Variants in PDE4D observed in about 807,000 individuals in gnomAD.
PDE4D encodes phosphodiesterase 4D.
A neutral mutation model predicts 87.4 loss-of-function variants in PDE4D; 24 were observed. The observed-to-expected ratio is 0.27, with a 90% CI of 0.20 to 0.39. The LOEUF is 0.39. PDE4D is among the 10% of genes least tolerant of loss of function. PDE4D has a pLI of 1.00. For missense variants in PDE4D, 714 were observed against 1,041.0 expected, an observed-to-expected ratio of 0.69 and a Z score of 4.32; for synonymous variants, 384 against 383.2, an observed-to-expected ratio of 1.00 and a Z score of -0.02.
chr5:59,312,571 G>C (rs1049236672), intron 1 of PDE4D, among the ~76,000 whole-genome samples: 2 of 152,154 alleles, frequency 1.3e-5, no homozygotes, highest in Non-Finnish European at 2.9e-5. Context: ...TAGCCTTTCT[G>C]AAAAGTCTAC....
Position 60,329,021 on chromosome 5 carries a change from T to C in PDE4D, c.-89-143334A>G, listed in dbSNP as rs181030940. 8.7e-4 allele frequency among the ~76,000 whole-genome samples: 133 copies of C among 152,360 alleles called. 1 individual carries two copies. The East Asian group carries it at 0.019, about 21-fold the overall frequency. ...CTTCCCACATAATTTAGTTACTTTT[T>C]CACAGTCGTCTCTCTTTGTTCAACC... On this transcript the variant is annotated intron_variant, in intron 1 of 16. Transcript: ENST00000502484.
chr5:58,990,442 G>T (rs1032368904), intron 9 of PDE4D, among the ~76,000 whole-genome samples: 2 of 152,124 alleles, frequency 1.3e-5, no homozygotes, highest in African/African-American at 2.4e-5. Flanking sequence ...ATATTCTAAG[G>T]TTAGTAGCCA....
At chr5:59,438,120 T>C (rs1034813133) in intron 1 of PDE4D, among the ~76,000 whole-genome samples, 1 of 152,150 alleles carries the variant, frequency 6.6e-6, no homozygotes, top group African/African-American at 2.4e-5. Flanking sequence ...ATGGGGATTG[T>C]TGGCTGAACT....
intron 5 of PDE4D, among the ~76,000 whole-genome samples, chr5:59,131,613 C>CAG (rs1259040799): frequency 2.5e-5 from 2 of 78,492 alleles, no homozygotes; most frequent in Non-Finnish European, 6.3e-5. Context: ...CACACACACA[C>CAG]ACACACACAC....
At chr5:60,316,770 G>T (rs1051716932) in intron 1 of PDE4D, among the ~76,000 whole-genome samples, 1 of 152,162 alleles carries the variant, frequency 6.6e-6, no homozygotes, top group Non-Finnish European at 1.5e-5. Context: ...CATTGGTTCT[G>T]TTTATATGCT....
intron 3 of PDE4D, among the ~76,000 whole-genome samples, chr5:59,983,007 T>G (rs1437786967): frequency 6.6e-6 from 1 of 152,214 alleles, no homozygotes; most frequent in Non-Finnish European, 1.5e-5. Flanking sequence ...GGTGCTCGCA[T>G]TATTCCTACT....
intron 2 of PDE4D, among the ~76,000 whole-genome samples, chr5:60,118,524 C>G (rs1778370918): frequency 6.7e-6 from 1 of 150,332 alleles, no homozygotes; most frequent in East Asian, 2.0e-4. Flanking sequence ...TTGACCTCTG[C>G]ATGGAAACCT....
intron 6 of PDE4D, among the ~76,000 whole-genome samples, chr5:59,032,889 G>GT (rs1158535612): frequency 1.3e-5 from 2 of 152,152 alleles, no homozygotes; most frequent in African/African-American, 4.8e-5. Flanking sequence ...CTCCAGAGCG[G>GT]TAAGGCCTAT....
chr5:59,916,306 T>C (rs1754036257), intron 3 of PDE4D, among the ~76,000 whole-genome samples: 1 of 152,124 alleles, frequency 6.6e-6, no homozygotes, highest in Admixed American at 6.5e-5. Context: ...AAAACAAAGG[T>C]GTGTGTATAT....
chr5:59,777,087 G>A (rs1418144205), intron 1 of PDE4D, among the ~76,000 whole-genome samples: 3 of 152,142 alleles, frequency 2.0e-5, no homozygotes, highest in African/African-American at 7.2e-5. Context: ...CTTGAACATA[G>A]CTGATAGATA....
At chr5:59,857,636 T>C (rs1184956941) in intron 1 of PDE4D, among the ~76,000 whole-genome samples, 1 of 151,984 alleles carries the variant, frequency 6.6e-6, no homozygotes. Flanking sequence ...CTAGTAACAT[T>C]TTGGAAGATG....
chr5:59,811,568 T>G (rs1768350966), intron 1 of PDE4D, among the ~76,000 whole-genome samples: 1 of 152,200 alleles, frequency 6.6e-6, no homozygotes, highest in South Asian at 2.1e-4. Flanking sequence ...ACTCTCAGCC[T>G]CTCTCCATGA....
At chr5:59,795,197 A>C (rs1323552611) in intron 1 of PDE4D, among the ~76,000 whole-genome samples, 2 of 152,248 alleles carry the variant, frequency 1.3e-5, no homozygotes, top group Admixed American at 6.5e-5. Context: ...TTGATTGAGC[A>C]TTCACCATTT....
chr5:60,207,232 G>C (rs570332039), intron 1 of PDE4D, among the ~76,000 whole-genome samples: 25 of 152,322 alleles, frequency 1.6e-4, no homozygotes, highest in African/African-American at 5.3e-4. Context: ...GAAACTTCTT[G>C]ACTAGAGCAG....
At chr5:59,959,049 A>T (rs1759175323) in intron 3 of PDE4D, among the ~76,000 whole-genome samples, 1 of 152,018 alleles carries the variant, frequency 6.6e-6, no homozygotes, top group Non-Finnish European at 1.5e-5. Flanking sequence ...TACCAGTGAC[A>T]TTCAAACTGA....
chr5:60,404,836 G>C (rs929591623), intron 1 of PDE4D, among the ~76,000 whole-genome samples: 3 of 152,206 alleles, frequency 2.0e-5, no homozygotes, highest in Admixed American at 6.5e-5. Context: ...CAGTTTGCCT[G>C]TAATATTCTT....
intron 3 of PDE4D, among the ~76,000 whole-genome samples, chr5:59,907,529 C>T (rs1752975305): frequency 6.6e-6 from 1 of 152,088 alleles, no homozygotes; most frequent in Non-Finnish European, 1.5e-5. Context: ...CCTGTTACAA[C>T]AAACCTCCAT....
chr5:59,661,248 C>T (rs1391014287), intron 1 of PDE4D, among the ~76,000 whole-genome samples: 2 of 152,010 alleles, frequency 1.3e-5, no homozygotes, highest in African/African-American at 4.8e-5. Context: ...ATTCTGCTCA[C>T]TTTAAATAGC....
intron 3 of PDE4D, among the ~76,000 whole-genome samples, chr5:59,927,397 G>A (rs944112656): frequency 1.3e-5 from 2 of 152,110 alleles, no homozygotes; most frequent in Admixed American, 1.3e-4. Flanking sequence ...TCTTGTACTA[G>A]AATAAAAACT....
Sources: gnomAD v4.1 joint callset for allele counts (sites outside exome capture counted in the v4.1 genomes callset) on GRCh38, gnomAD v4.1.1 for gene constraint, MANE v1.5 for transcripts, NCBI Gene and HGNC (gene_info 2026-07-23, HGNC 2026-07-21) for gene names.